Variants in SCTR observed in about 807,000 individuals in gnomAD.
SCTR encodes the protein secretin receptor.
Under a neutral mutation model 60.8 loss-of-function variants are expected in SCTR, and 56 were observed. The observed-to-expected ratio is 0.92, with a 90% CI of 0.74 to 1.15. The LOEUF (loss-of-function observed/expected upper bound fraction) is 1.15. SCTR is among the 50% of genes most tolerant of loss of function. The probability of loss-of-function intolerance (pLI) is 0.00; values close to 1 mark genes in which losing one functional copy is unlikely to be tolerated. For missense variants in SCTR, 562 were observed against 550.4 expected, an observed-to-expected ratio of 1.02 and a Z score of -0.21; for synonymous variants, 202 against 217.0, an observed-to-expected ratio of 0.93 and a Z score of 0.61.
chr2:119,443,437 T>A (rs1401640979), intron 11 of SCTR, among the ~76,000 whole-genome samples: 1 of 152,246 alleles, frequency 6.6e-6, no homozygotes, highest in Non-Finnish European at 1.5e-5. Flanking sequence ...ATTTCTGGGT[T>A]ATGACGTTCT....
At chr2:119,498,168 A>C (rs1678418547) in intron 1 of SCTR, among the ~76,000 whole-genome samples, 1 of 152,236 alleles carries the variant, frequency 6.6e-6, no homozygotes, top group Non-Finnish European at 1.5e-5. Context: ...GAAAACAGTT[A>C]AGATGACAAC....
intron 3 of SCTR, among the ~76,000 whole-genome samples, chr2:119,478,272 T>C (rs1296018367): frequency 6.6e-6 from 1 of 152,242 alleles, no homozygotes; most frequent in Non-Finnish European, 1.5e-5. Context: ...GTCCAGTGCA[T>C]GGTCGACTTC....
intron 2 of SCTR, among the ~76,000 whole-genome samples, chr2:119,483,177 G>C (rs1229739716): frequency 1.3e-5 from 2 of 152,232 alleles, no homozygotes; most frequent in Non-Finnish European, 2.9e-5. Flanking sequence ...GGTCACGTCA[G>C]GCAGGGCCCC....
chr2:119,492,861 TA>T (rs1309752692), intron 2 of SCTR, among the ~76,000 whole-genome samples: 12 of 150,694 alleles, frequency 8.0e-5, no homozygotes, highest in Non-Finnish European at 1.6e-4. Flanking sequence ...TTTATTTATT[TA>T]TTTATTTATT....
intron 1 of SCTR, among the ~76,000 whole-genome samples, chr2:119,517,917 G>T (rs895510705): frequency 2.6e-5 from 4 of 152,150 alleles, no homozygotes; most frequent in African/African-American, 9.7e-5. Flanking sequence ...TGGAGGTAGG[G>T]CCCATAAGGA....
intron 1 of SCTR, among the ~76,000 whole-genome samples, chr2:119,520,089 C>T (rs1010123838): frequency 6.6e-6 from 1 of 152,144 alleles, no homozygotes; most frequent in Non-Finnish European, 1.5e-5. Flanking sequence ...CACTTATTAA[C>T]TTCAGGGATA....
intron 2 of SCTR, chr2:119,486,167 ATGGGATGAACTATCT>A (rs1485775115): frequency 6.6e-6 from 1 of 152,132 alleles, no homozygotes; most frequent in Non-Finnish European, 1.5e-5. Context: ...AAGCTGTTTG[ATGGGATGAACTATCT>A]TGGGAGTGAT....
intron 4 of SCTR, among the ~76,000 whole-genome samples, chr2:119,466,326 A>G (rs1253495047): frequency 2.6e-5 from 4 of 152,340 alleles, no homozygotes; most frequent in Middle Eastern, 3.4e-3. Flanking sequence ...GGATCCACTT[A>G]AAATGGATTT....
chr2:119,494,344 G>A, intron 2 of SCTR, 84 bp downstream of exon 2: 1 of 1,474,850 alleles, frequency 6.8e-7, no homozygotes, highest in Admixed American at 1.9e-5. Context: ...ATCCCATCCT[G>A]GCCCAGGATA....
rs779684108 is a variant in SCTR, at chr2:119,478,837, A to G, written c.275T>C (p.Phe92Ser). The G allele has an allele frequency of 1.2e-6, 2 of 1,614,156 alleles. No homozygotes were observed. The highest frequency in any genetic ancestry group is 3.3e-5 in the Admixed American group (2 of 60,016). Residue 92 changes from phenylalanine to serine, a missense_variant, in exon 3 of 13, where the codon TTC (phenylalanine) becomes TCC (serine). By Grantham distance (155) the Phe-to-Ser change is radical (BLOSUM62 -2). Transcript: ENST00000019103. ...GRMVEVECPR[F>S]LRMLTSRNGS... is the part of the protein sequence containing the mutation. ...ATTTCTGCTGGTGAGCATCCGGAGGAATCTCGGGCATTCCACCTCCACCAT... is the reference window on the plus strand; with the variant it reads ...ATTTCTGCTGGTGAGCATCCGGAGGGATCTCGGGCATTCCACCTCCACCAT...
At chr2:119,515,337 T>G (rs963515043) in intron 1 of SCTR, among the ~76,000 whole-genome samples, 67 of 152,342 alleles carry the variant, frequency 4.4e-4, no homozygotes, top group African/African-American at 1.6e-3. Context: ...CTCTACCATT[T>G]AAGCAAGACG....
intron 2 of SCTR, among the ~76,000 whole-genome samples, chr2:119,488,022 A>C (rs1213033810): frequency 6.6e-6 from 1 of 152,102 alleles, no homozygotes; most frequent in East Asian, 1.9e-4. Context: ...TTCCTCAGAC[A>C]TCACACCCGC....
Position 119,464,168 on chromosome 2 carries a change from G to A in SCTR, c.591C>T (p.Ala197=), listed in dbSNP as rs772044121. Residue 197 remains alanine (A), a synonymous_variant, in exon 6 of 13, where the codon GCC becomes GCT. Transcript: ENST00000019103. ...TGACATCATCTGAGGAGAAGAGCAC[G>A]GCGTCCTTGATGAAGTTGGACAGGG... The part of the protein sequence containing the change: ...LRALSNFIKD[A]VLFSSDDVTY... 51 of 1,614,062 alleles carry A rather than the reference G, an allele frequency of 3.2e-5. No homozygotes were observed. Among genetic ancestry groups the A allele is most frequent in the Non-Finnish European group, 3.8e-5 (45 of 1,180,022 alleles).
At chr2:119,462,073 A>G in intron 6 of SCTR, 73 bp from the exon 7 acceptor site, 1 of 1,463,214 alleles carries the variant, frequency 6.8e-7, no homozygotes, top group Non-Finnish European at 9.2e-7. Context: ...CCCCAAAGGG[A>G]GCAACAGGGT....
At chr2:119,444,041 C>T (rs934616393) in intron 11 of SCTR, among the ~76,000 whole-genome samples, 4 of 151,510 alleles carry the variant, frequency 2.6e-5, no homozygotes, top group Non-Finnish European at 5.9e-5. Context: ...GAGTGGATAC[C>T]GCTGAGGCTG....
At chr2:119,454,691 TA>T (rs1330382104) in intron 7 of SCTR, among the ~76,000 whole-genome samples, 1 of 151,724 alleles carries the variant, frequency 6.6e-6, no homozygotes, top group East Asian at 1.9e-4. Flanking sequence ...CTGTCTCTAT[TA>T]AAAAAACAAA....
chr2:119,484,510 T>A (rs1259836195), intron 2 of SCTR, among the ~76,000 whole-genome samples: 2 of 152,160 alleles, frequency 1.3e-5, no homozygotes, highest in Admixed American at 1.3e-4. Context: ...GACCCAAGCC[T>A]ACTTTGGGTA....
chr2:119,503,740 A>G (rs1340807415), intron 1 of SCTR, among the ~76,000 whole-genome samples: 3 of 152,160 alleles, frequency 2.0e-5, no homozygotes, highest in Non-Finnish European at 2.9e-5. Flanking sequence ...GTCATTATAC[A>G]TTTGTCAAAA....
In SCTR at chr2:119,440,019, CAG is replaced by C; in HGVS notation, c.*96_*97del. On this transcript the variant is annotated 3_prime_UTR_variant, in exon 13 of 13. Coordinates refer to ENST00000019103, the MANE Select transcript of SCTR (RefSeq NM_002980.3). ...GGGCATCTTCAGCTGAAGGAGGACA[CAG>C]GGTGTCTGCTGGGAAGACTGGCTGT... 2 of 1,305,854 alleles carry C rather than the reference CAG, an allele frequency of 1.5e-6. No individual in the cohort carries two copies. The highest frequency in any genetic ancestry group is 1.4e-5 in the South Asian group (1 of 71,226). 80.9% of individuals were successfully genotyped at this position (1,305,854 alleles called of 1,614,324 possible). A position where few individuals can be genotyped will look rare whatever the true frequency, so the allele number is the denominator to read the frequency against.
Sources: allele counts gnomAD v4.1 joint callset (sites outside exome capture counted in the v4.1 genomes callset), GRCh38; gene constraint gnomAD v4.1.1; transcripts MANE v1.5; gene names NCBI Gene and HGNC (gene_info 2026-07-23, HGNC 2026-07-21).